Variants in TTC7A observed in about 807,000 individuals in gnomAD.
TTC7A encodes tetratricopeptide repeat domain 7A, also known as tetratricopeptide repeat protein 7A.
A neutral mutation model predicts 103.7 loss-of-function variants in TTC7A; 110 were observed. The observed-to-expected ratio is 1.06, with a 90% CI of 0.91 to 1.24. The LOEUF (loss-of-function observed/expected upper bound fraction) is 1.24, where lower values mean the gene tolerates loss of function less well. TTC7A is among the 50% of genes most tolerant of loss of function. The pLI is 0.00. For missense variants in TTC7A, 1,340 were observed against 1,116.3 expected (o/e 1.20, Z -2.86); for synonymous variants, 521 against 467.9 (o/e 1.11, Z -1.47).
chr2:46,961,742 T>TA (rs1343144534), intron 3 of TTC7A, among the ~76,000 whole-genome samples: 14 of 149,760 alleles, frequency 9.3e-5, no homozygotes, highest in South Asian at 2.1e-4. Context: ...CTGTCTCTAC[T>TA]AAAAAAAAAG....
At chr2:46,968,249 C>G (rs1377667016) in intron 3 of TTC7A, among the ~76,000 whole-genome samples, 1 of 152,194 alleles carries the variant, frequency 6.6e-6, no homozygotes, top group Non-Finnish European at 1.5e-5. Flanking sequence ...TGCAAGGGAC[C>G]TTTCCTAGAG....
chr2:47,067,553 G>A (rs1684281759), intron 19 of TTC7A, among the ~76,000 whole-genome samples: 1 of 152,210 alleles, frequency 6.6e-6, no homozygotes, highest in Non-Finnish European at 1.5e-5. Flanking sequence ...GGTTGGCTGG[G>A]ATGGTTTTTA....
chr2:46,998,284 A>T (rs143793238), intron 8 of TTC7A, among the ~76,000 whole-genome samples: 2 of 152,264 alleles, frequency 1.3e-5, no homozygotes, highest in Non-Finnish European at 2.9e-5. Context: ...TTAGTGTTTC[A>T]TCTGCAGTGA....
chr2:46,945,549 C>G (rs1008354482), intron 1 of TTC7A, among the ~76,000 whole-genome samples: 1 of 152,014 alleles, frequency 6.6e-6, no homozygotes, highest in Non-Finnish European at 1.5e-5. Flanking sequence ...TGCCCAGCTA[C>G]CTAGTTAATT....
At chr2:46,993,422 A>G in intron 5 of TTC7A, 28 bp from the exon 6 acceptor site, 2 of 1,612,838 alleles carry the variant, frequency 1.2e-6, no homozygotes, top group Non-Finnish European at 1.7e-6. Context: ...GGCTGGTAAC[A>G]AATCTACTTC....
intron 8 of TTC7A, among the ~76,000 whole-genome samples, chr2:46,998,579 C>T (rs1367862231): frequency 6.6e-6 from 1 of 152,212 alleles, no homozygotes; most frequent in Non-Finnish European, 1.5e-5. Context: ...GGAGAAACCT[C>T]TAGAACAGCA....
chr2:47,056,301 G>A (rs543851318), intron 18 of TTC7A, among the ~76,000 whole-genome samples: 1 of 152,356 alleles, frequency 6.6e-6, no homozygotes, highest in East Asian at 1.9e-4. Flanking sequence ...GGCCCCCACT[G>A]AGGGTCAAGG....
At chr2:47,059,493 C>A (rs1006620425) in intron 18 of TTC7A, among the ~76,000 whole-genome samples, 1 of 152,102 alleles carries the variant, frequency 6.6e-6, no homozygotes, top group East Asian at 1.9e-4. Context: ...CCCTCCTTTG[C>A]CCCTGAGCTG....
chr2:47,010,464 A>T (rs1051513815), intron 10 of TTC7A, among the ~76,000 whole-genome samples: 1 of 152,076 alleles, frequency 6.6e-6, no homozygotes, highest in African/African-American at 2.4e-5. Context: ...CATTACTGTT[A>T]TTGGTAACAT....
intron 5 of TTC7A, among the ~76,000 whole-genome samples, chr2:46,985,183 A>G (rs1430812558): frequency 1.4e-5 from 2 of 147,286 alleles, no homozygotes; most frequent in African/African-American, 5.1e-5. Flanking sequence ...CTGTAGCTCC[A>G]CCCCCTCCCT....
rs78914469 is a variant in TTC7A at position 47,022,132 on chromosome 2, C to T, written c.1510+153C>T. Among the ~76,000 whole-genome samples the T allele has an allele frequency of 8.3e-3, 1,266 of 152,290 alleles. 17 individuals carry two copies. Among genetic ancestry groups the T allele is most frequent in the African/African-American group, 0.029 (1,200 of 41,548 alleles). On this transcript the variant is annotated intron_variant, in intron 12 of 19. Coordinates refer to ENST00000319190, the MANE Select transcript of TTC7A (RefSeq NM_020458.4). Reference sequence around the variant, plus strand: ...TGGGAGAGATGCCCATGTGTGCACACATACACACGTGCATACACACACGCG... The same window carrying T: ...TGGGAGAGATGCCCATGTGTGCACATATACACACGTGCATACACACACGCG...
chr2:46,984,251 G>A (rs1362379238), intron 5 of TTC7A, among the ~76,000 whole-genome samples: 1 of 152,236 alleles, frequency 6.6e-6, no homozygotes, highest in Admixed American at 6.5e-5. Context: ...TCCTGTTACT[G>A]AGCTGAGCCC....
chr2:47,070,406 T>G (rs1163836439), intron 19 of TTC7A, among the ~76,000 whole-genome samples: 2 of 152,208 alleles, frequency 1.3e-5, no homozygotes, highest in Non-Finnish European at 2.9e-5. Context: ...CACATCTGTG[T>G]GTGTGTGGGT....
At chr2:46,996,420 A>G (rs1440331573) in intron 8 of TTC7A, among the ~76,000 whole-genome samples, 1 of 152,248 alleles carries the variant, frequency 6.6e-6, no homozygotes, top group African/African-American at 2.4e-5. Flanking sequence ...TGGATCCCTG[A>G]ACAGCCAGAA....
At chr2:46,936,577 T>G (rs1669990316), upstream of TTC7A, among the ~76,000 whole-genome samples, 1 of 152,170 alleles carries the variant, frequency 6.6e-6, no homozygotes, top group Admixed American at 6.5e-5. Flanking sequence ...TCGCAGACTC[T>G]CATGGTTCTG....
chr2:46,930,836 A>T (rs13391660), intron 2 of TTC7A, among the ~76,000 whole-genome samples: 8,660 of 152,178 alleles, frequency 0.057, 299 homozygotes, highest in African/African-American at 0.089. Context: ...CCAATCAGTA[A>T]TTTTTAAACC....
At chr2:46,954,751 T>C (rs1014254323) in intron 2 of TTC7A, among the ~76,000 whole-genome samples, 1 of 152,072 alleles carries the variant, frequency 6.6e-6, no homozygotes, top group Non-Finnish European at 1.5e-5. Context: ...TTTGTATTTT[T>C]AGTAGAGACG....
intron 2 of TTC7A, among the ~76,000 whole-genome samples, chr2:46,935,840 A>G (rs1669949160): frequency 6.6e-6 from 1 of 152,054 alleles, no homozygotes; most frequent in Admixed American, 6.6e-5. Flanking sequence ...CTATAATCCT[A>G]GAGACTAGGG....
At chr2:46,971,982 G>T (rs377124702) in intron 3 of TTC7A, among the ~76,000 whole-genome samples, 3 of 151,876 alleles carry the variant, frequency 2.0e-5, no homozygotes, top group South Asian at 2.1e-4. Flanking sequence ...GAGGCAGGGA[G>T]GGAGGGAGGA....
Sources: gnomAD v4.1 joint callset for allele counts (sites outside exome capture counted in the v4.1 genomes callset) on GRCh38, gnomAD v4.1.1 for gene constraint, MANE v1.5 for transcripts, NCBI Gene and HGNC (gene_info 2026-07-23, HGNC 2026-07-21) for gene names.